The following CACNA1E variants were observed in gnomAD, a reference collection of about 807,000 sequenced individuals.
CACNA1E encodes the protein calcium voltage-gated channel subunit alpha1 E.
Under a neutral mutation model 259.2 loss-of-function variants are expected in CACNA1E, and 40 were observed. The observed-to-expected ratio is 0.15, with a 90% CI of 0.12 to 0.20. The LOEUF (loss-of-function observed/expected upper bound fraction) is 0.20. Ranked by LOEUF, CACNA1E falls within the 10% of genes least tolerant of loss-of-function variation. The pLI, the probability that CACNA1E is intolerant of heterozygous loss-of-function variation, is 1.00. For missense variants in CACNA1E, 1,874 were observed against 3,040.1 expected, an observed-to-expected ratio of 0.62 and a Z score of 9.02; for synonymous variants, 1,104 against 1,138.5, an observed-to-expected ratio of 0.97 and a Z score of 0.61.
intron 6 of CACNA1E, among the ~76,000 whole-genome samples, chr1:181,585,796 G>A (rs1264149966): frequency 6.6e-6 from 1 of 152,192 alleles, no homozygotes; most frequent in African/African-American, 2.4e-5. Context: ...GAACAGCAAA[G>A]AGCACAGTGG....
intron 35 of CACNA1E, among the ~76,000 whole-genome samples, chr1:181,769,387 CTTCACAATAAAT>C (rs1659298757): frequency 6.7e-6 from 1 of 148,156 alleles, no homozygotes; most frequent in South Asian, 2.1e-4. Context: ...TTAAGAACAT[CTTCACAATAAAT>C]ATGTGTTTTT....
intron 2 of CACNA1E, among the ~76,000 whole-genome samples, chr1:181,441,097 G>T (rs1660444213): frequency 6.6e-6 from 1 of 150,580 alleles, no homozygotes; most frequent in South Asian, 2.1e-4. Flanking sequence ...GTTCCACAGT[G>T]GATGGCAAGG....
intron 1 of CACNA1E, among the ~76,000 whole-genome samples, chr1:181,504,827 A>G (rs867969194): frequency 6.6e-6 from 1 of 152,184 alleles, no homozygotes; most frequent in Non-Finnish European, 1.5e-5. Flanking sequence ...TCAATAAGTG[A>G]ACCTATTTTT....
At chr1:181,390,166 T>C (rs1358567940) in intron 1 of CACNA1E, among the ~76,000 whole-genome samples, 3 of 152,266 alleles carry the variant, frequency 2.0e-5, no homozygotes, top group Non-Finnish European at 4.4e-5. Flanking sequence ...AAGAGCAAAG[T>C]GGGAGGGGGC....
At chr1:181,653,598 C>A (rs1172102759) in intron 7 of CACNA1E, among the ~76,000 whole-genome samples, 1 of 152,212 alleles carries the variant, frequency 6.6e-6, no homozygotes, top group Admixed American at 6.5e-5. Flanking sequence ...AATTGATTTT[C>A]TTCCTCTTCC....
At chr1:181,647,499 G>T (rs577174974) in intron 6 of CACNA1E, among the ~76,000 whole-genome samples, 8 of 152,266 alleles carry the variant, frequency 5.3e-5, no homozygotes, top group African/African-American at 1.9e-4. Context: ...AGACAGACAC[G>T]TGCACACCAC....
intron 2 of CACNA1E, 72 bp from the exon 3 acceptor site, chr1:181,511,299 G>T: frequency 6.4e-7 from 1 of 1,553,652 alleles, no homozygotes; most frequent in Non-Finnish European, 8.8e-7. Flanking sequence ...GAAGGGCCAG[G>T]CTGTGCTTTT....
At chr1:181,684,876 C>CTTTTTTTTTTTTTTT (rs34538225) in intron 7 of CACNA1E, among the ~76,000 whole-genome samples, 1 of 135,154 alleles carries the variant, frequency 7.4e-6, no homozygotes, top group African/African-American at 2.8e-5. Context: ...TTTTTAAATC[C>CTTTTTTTTTTTTTTT]TTTTTTTTTT....
Position 181,756,002 on chromosome 1 carries a change from C to T in CACNA1E, c.4036C>T (p.Arg1346Trp). The T allele has an allele frequency of 6.2e-7, 1 of 1,613,804 alleles. No homozygotes were observed. The highest frequency in any genetic ancestry group is 8.5e-7 in the Non-Finnish European group (1 of 1,179,812). The change falls in exon 29 of 48, where the codon CGG (arginine) becomes TGG (tryptophan). Residue 1346 changes from arginine (R) to tryptophan (W), a missense_variant. Arg to Trp is a moderately radical substitution (Grantham distance 101). Transcript: ENST00000367573. ...HEKNKMEVKG[R>W]EWKRHEFHYD... Reference sequence around the variant, plus strand: ...GAAAAACAAGATGGAGGTGAAGGGCCGGGAATGGAAGCGCCATGAATTCCA... The same window carrying T: ...GAAAAACAAGATGGAGGTGAAGGGCTGGGAATGGAAGCGCCATGAATTCCA...
intron 3 of CACNA1E, among the ~76,000 whole-genome samples, chr1:181,529,949 A>G (rs928792502): frequency 2.6e-5 from 4 of 152,160 alleles, no homozygotes; most frequent in African/African-American, 9.7e-5. Context: ...GGAAGGCATC[A>G]TTAGTTTTGA....
chr1:181,592,545 TCA>T (rs1652764244), intron 6 of CACNA1E, among the ~76,000 whole-genome samples: 1 of 151,866 alleles, frequency 6.6e-6, no homozygotes, highest in African/African-American at 2.4e-5. Context: ...GTAATTTATT[TCA>T]GTGTTTACAG....
intron 16 of CACNA1E, 107 bp downstream of exon 16, chr1:181,721,982 C>T (rs973126231): frequency 1.1e-5 from 8 of 737,824 alleles, no homozygotes; most frequent in Middle Eastern, 2.5e-4. Flanking sequence ...GGGACAGGGG[C>T]GTGGACATTG....
intron 6 of CACNA1E, among the ~76,000 whole-genome samples, chr1:181,622,231 T>C (rs1006458273): frequency 6.6e-6 from 1 of 152,204 alleles, no homozygotes; most frequent in Non-Finnish European, 1.5e-5. Context: ...CCTGCGAGTC[T>C]TCTGTAATTG....
Position 181,758,196 on chromosome 1 carries a change from GC to G in CACNA1E, c.4494+88del. On this transcript the variant is annotated intron_variant, in intron 31 of 47. Transcript: ENST00000367573. This position sits in a 1 kb window ranked among gnomAD's most constrained non-coding sequence, Gnocchi z 4.2. ...AGTGGGAAGACACCCCAACATCCCA[GC>G]CCATCACTGCTTTACCTACTTTTCC... The G allele has an allele frequency of 1.7e-6, 2 of 1,169,642 alleles. No homozygotes were observed. Among genetic ancestry groups the G allele is most frequent in the Admixed American group, 2.0e-5 (1 of 49,698 alleles). 72.5% of individuals were successfully genotyped at this position (1,169,642 alleles called of 1,614,324 possible).
At chr1:181,789,129 G>A (rs533494631) in intron 43 of CACNA1E, among the ~76,000 whole-genome samples, 211 of 152,334 alleles carry the variant, frequency 1.4e-3, no homozygotes, top group Admixed American at 2.3e-3. Context: ...CCAAAGTGCC[G>A]AGAGTACAGG....
At chr1:181,581,397 C>T (rs1371925375) in intron 6 of CACNA1E, among the ~76,000 whole-genome samples, 1 of 152,164 alleles carries the variant, frequency 6.6e-6, no homozygotes. Context: ...GTGAGATTCA[C>T]CAGGGGTGCT....
Position 181,799,422 on chromosome 1 carries a change from A to G in CACNA1E, c.*588A>G, listed in dbSNP as rs1025219547. On this transcript the variant is annotated 3_prime_UTR_variant, in exon 48 of 48. Transcript: ENST00000367573. ...AGGGAGGGAGGAGAAAGCCGAAGCG[A>G]AAGGGGTCAGGGTGCTGAGGCAACA... 3 of 153,202 alleles carry G rather than the reference A, an allele frequency of 2.0e-5. No individual in the cohort carries two copies. Among genetic ancestry groups the G allele is most frequent in the African/African-American group, 7.2e-5 (3 of 41,488 alleles). 9.5% of individuals were successfully genotyped at this position (153,202 alleles called of 1,614,324 possible). A position where few individuals can be genotyped will look rare whatever the true frequency, so the allele number is the denominator to read the frequency against.
At chr1:181,406,780 G>T (rs1657496375) in intron 1 of CACNA1E, among the ~76,000 whole-genome samples, 1 of 151,934 alleles carries the variant, frequency 6.6e-6, no homozygotes, top group Non-Finnish European at 1.5e-5. Flanking sequence ...GCGTGGAGTT[G>T]GGATTCATAC....
At chr1:181,628,203 G>C (rs1319748940) in intron 6 of CACNA1E, among the ~76,000 whole-genome samples, 1 of 152,128 alleles carries the variant, frequency 6.6e-6, no homozygotes, top group Non-Finnish European at 1.5e-5. Context: ...CTGATCACTG[G>C]GGGTGCCTCA....
Sources: allele counts gnomAD v4.1 joint callset (sites outside exome capture counted in the v4.1 genomes callset), GRCh38; gene constraint gnomAD v4.1.1; non-coding constraint Gnocchi (gnomAD v3.1); transcripts MANE v1.5; gene names NCBI Gene and HGNC (gene_info 2026-07-23, HGNC 2026-07-21).